The following GRIA4 variants were observed in gnomAD, a reference collection of about 807,000 sequenced individuals.
The protein encoded by GRIA4 is glutamate ionotropic receptor AMPA type subunit 4.
In GRIA4, 34 loss-of-function variants were observed where a neutral mutation model predicts 104.0. The ratio of observed to expected loss-of-function variants is 0.33; its 90% CI spans 0.25 to 0.44. GRIA4 has a LOEUF of 0.44. Ranked by LOEUF, GRIA4 falls within the 20% of genes least tolerant of loss-of-function variation. The pLI is 1.00. For synonymous variants in GRIA4, 386 were observed against 381.9 expected (o/e 1.01, Z -0.13); for missense variants, 750 against 1,096.5 (o/e 0.68, Z 4.46).
intron 3 of GRIA4, among the ~76,000 whole-genome samples, chr11:105,732,804 G>T (rs984460814): frequency 2.0e-5 from 3 of 152,166 alleles, no homozygotes; most frequent in African/African-American, 7.2e-5. Context: ...AACAGTATCT[G>T]GCACTTTCAG....
At chr11:105,732,389 G>A (rs1938654968) in intron 3 of GRIA4, among the ~76,000 whole-genome samples, 1 of 152,102 alleles carries the variant, frequency 6.6e-6, no homozygotes, top group South Asian at 2.1e-4. Flanking sequence ...TGGAGAGTGT[G>A]AAAGTTTATA....
chr11:105,725,804 C>T (rs973654993), intron 3 of GRIA4, among the ~76,000 whole-genome samples: 2 of 152,214 alleles, frequency 1.3e-5, no homozygotes, highest in East Asian at 3.9e-4. Context: ...GGGCAACTCC[C>T]TCCCCTAGCC....
chr11:105,922,674 A>G (rs1480003995), intron 11 of GRIA4, among the ~76,000 whole-genome samples: 2 of 152,140 alleles, frequency 1.3e-5, no homozygotes, highest in African/African-American at 4.8e-5. Context: ...GAGAAGAGAA[A>G]AAGAATTGTA....
intron 3 of GRIA4, among the ~76,000 whole-genome samples, chr11:105,690,086 T>C (rs1249582813): frequency 6.6e-6 from 1 of 152,178 alleles, no homozygotes; most frequent in African/African-American, 2.4e-5. Context: ...CATTTTCCCT[T>C]AGTGTCTATA....
chr11:105,885,139 AT>A (rs1356162778), intron 5 of GRIA4, among the ~76,000 whole-genome samples: 1 of 152,182 alleles, frequency 6.6e-6, no homozygotes, highest in Non-Finnish European at 1.5e-5. Context: ...GAATATGCCA[AT>A]ATGCCATTTC....
chr11:105,868,824 A>C (rs1945518053), intron 5 of GRIA4, among the ~76,000 whole-genome samples: 2 of 152,178 alleles, frequency 1.3e-5, no homozygotes, highest in African/African-American at 4.8e-5. Flanking sequence ...GCTTTGCTTC[A>C]TTATAAAGCT....
At chr11:105,887,673 C>T in intron 6 of GRIA4, 101 bp downstream of exon 6, 2 of 652,314 alleles carry the variant, frequency 3.1e-6, no homozygotes, top group Non-Finnish European at 5.5e-6. Flanking sequence ...GAGTACATTA[C>T]TTACTAAGCT....
At chr11:105,772,027 T>C (rs1179625074) in intron 4 of GRIA4, among the ~76,000 whole-genome samples, 1 of 152,130 alleles carries the variant, frequency 6.6e-6, no homozygotes, top group African/African-American at 2.4e-5. Context: ...TAAAATTGAC[T>C]ATAGTACATA....
chr11:105,696,474 A>G (rs1421377870), intron 3 of GRIA4, among the ~76,000 whole-genome samples: 1 of 152,228 alleles, frequency 6.6e-6, no homozygotes, highest in Non-Finnish European at 1.5e-5. Flanking sequence ...TGTTATATAT[A>G]GTCATTAAAT....
intron 4 of GRIA4, among the ~76,000 whole-genome samples, chr11:105,785,887 T>A (rs1941939963): frequency 6.6e-6 from 1 of 152,102 alleles, no homozygotes; most frequent in Admixed American, 6.5e-5. Flanking sequence ...GACTCACACC[T>A]GTAATCCCAG....
chr11:105,850,003 T>C (rs1297619417), intron 4 of GRIA4, among the ~76,000 whole-genome samples: 2 of 152,210 alleles, frequency 1.3e-5, no homozygotes, highest in East Asian at 3.9e-4. Context: ...AACAATTTAA[T>C]TCACCAGCAC....
Position 105,714,645 on chromosome 11 carries a change from T to TGG in GRIA4, c.248-38336_248-38335insGG, listed in dbSNP as rs1378357044. ...TTTTCAAATAATTATATTATTCAGA[T>TGG]TCACCAAGACCCTATATTGCTGAAA... On this transcript the variant is annotated intron_variant, in intron 3 of 16. Coordinates refer to ENST00000282499, the MANE Select transcript of GRIA4 (RefSeq NM_000829.4). 6.6e-5 allele frequency among the ~76,000 whole-genome samples: 10 copies of TGG among 152,240 alleles called. No individual in the cohort carries two copies. In the East Asian group the frequency reaches 1.9e-3, roughly 29 times the overall value.
At chr11:105,775,299 T>A (rs2135753629) in intron 4 of GRIA4, among the ~76,000 whole-genome samples, 1 of 152,270 alleles carries the variant, frequency 6.6e-6, no homozygotes, top group South Asian at 2.1e-4. Context: ...TAAGACAATA[T>A]TCACAGATTC....
At chr11:105,684,943 A>C (rs531733339) in intron 3 of GRIA4, among the ~76,000 whole-genome samples, 1 of 152,200 alleles carries the variant, frequency 6.6e-6, no homozygotes, top group South Asian at 2.1e-4. Context: ...AATTGTGCAA[A>C]GATTTGGAAT....
intron 3 of GRIA4, among the ~76,000 whole-genome samples, chr11:105,747,061 C>T (rs981937199): frequency 3.6e-4 from 55 of 152,264 alleles, no homozygotes; most frequent in Non-Finnish European, 5.9e-4. Context: ...AGAATTTTGA[C>T]GTATTTATCT....
chr11:105,765,560 G>T (rs993828747), intron 4 of GRIA4, among the ~76,000 whole-genome samples: 4 of 152,168 alleles, frequency 2.6e-5, no homozygotes, highest in African/African-American at 9.7e-5. Flanking sequence ...TTGCCTTTGG[G>T]CATTCACAAT....
chr11:105,644,638 T>C (rs1224569916), intron 3 of GRIA4, among the ~76,000 whole-genome samples: 1 of 151,968 alleles, frequency 6.6e-6, no homozygotes, highest in Non-Finnish European at 1.5e-5. Flanking sequence ...AATTAAAAAA[T>C]ACCATTTTTA....
intron 4 of GRIA4, among the ~76,000 whole-genome samples, chr11:105,817,714 G>A (rs752450496): frequency 6.6e-6 from 1 of 151,906 alleles, no homozygotes; most frequent in Non-Finnish European, 1.5e-5. Flanking sequence ...ACAGAATATC[G>A]TACATTATAT....
rs551184951 is a variant in GRIA4, at chr11:105,884,673, C to T, written c.673-2846C>T. Among the ~76,000 whole-genome samples, 7 of 152,322 alleles carry T rather than the reference C, an allele frequency of 4.6e-5. No homozygotes were observed. The South Asian group carries it at 1.4e-3, about 32-fold the overall frequency. ...TACCAGAATGTTGATGCATATGGAGCTCTGCAAGACCTTTTGTGCCAGGAA... is the reference window on the plus strand; with the variant it reads ...TACCAGAATGTTGATGCATATGGAGTTCTGCAAGACCTTTTGTGCCAGGAA... On this transcript the variant is annotated intron_variant, in intron 5 of 16. Coordinates refer to ENST00000282499, the MANE Select transcript of GRIA4 (RefSeq NM_000829.4).
Sources: allele counts gnomAD v4.1 joint callset (sites outside exome capture counted in the v4.1 genomes callset), GRCh38; gene constraint gnomAD v4.1.1; transcripts MANE v1.5; gene names NCBI Gene and HGNC (gene_info 2026-07-23, HGNC 2026-07-21).